Variants in PIK3CA observed in about 807,000 individuals in gnomAD.
The protein encoded by PIK3CA is phosphatidylinositol 4,5-bisphosphate 3-kinase catalytic subunit alpha isoform.
Under a neutral mutation model 138.2 loss-of-function variants are expected in PIK3CA, and 27 were observed. That is an observed-to-expected ratio of 0.20 (90% CI 0.14 to 0.27). The LOEUF is 0.27. Among genes scored for constraint, PIK3CA ranks in the 10% least tolerant of loss-of-function variants. The probability of loss-of-function intolerance (pLI) is 1.00; values close to 1 mark genes in which losing one functional copy is unlikely to be tolerated. For synonymous variants in PIK3CA, 358 were observed against 413.2 expected (o/e 0.87, Z 1.62); for missense variants, 544 against 1,277.4 (o/e 0.43, Z 8.75).
In PIK3CA at chr3:179,203,806, A is replaced by C; in HGVS notation, c.1059+17A>C. Reference sequence around the variant, plus strand: ...ATTGATAAGGTAAAGTCAAATGCTGATGCTTATTATTTTATAGAAATTATT... The same window carrying C: ...ATTGATAAGGTAAAGTCAAATGCTGCTGCTTATTATTTTATAGAAATTATT... On this transcript the variant is annotated intron_variant, in intron 5 of 20. Coordinates refer to ENST00000263967, the MANE Select transcript of PIK3CA (RefSeq NM_006218.4). 1 of 1,553,624 alleles carries C rather than the reference A, an allele frequency of 6.4e-7. No individual in the cohort carries two copies. The highest frequency in any genetic ancestry group is 8.7e-7 in the Non-Finnish European group (1 of 1,146,938).
At position 179,219,389 on chromosome 3, in the gene PIK3CA, T is replaced by G; in HGVS notation, c.1746+112T>G. ...TAAATGAAATAGACTAATAGTAATATAGTGTAGAAAAAAACACCCTTAACA... is the reference window on the plus strand; with the variant it reads ...TAAATGAAATAGACTAATAGTAATAGAGTGTAGAAAAAAACACCCTTAACA... On this transcript the variant is annotated intron_variant, in intron 11 of 20. Transcript: ENST00000263967. This position sits in a 1 kb window ranked among gnomAD's most constrained non-coding sequence, Gnocchi z 4.2. 1.3e-6 allele frequency: 1 copy of G among 753,618 alleles called. No homozygotes were observed. Among genetic ancestry groups the G allele is most frequent in the East Asian group, 2.7e-5 (1 of 37,354 alleles). The allele number at this position is 753,618 out of a possible 1,614,324, so 46.7% of individuals were successfully genotyped here.
chr3:179,157,841 G>A (rs1723178282), intron 1 of PIK3CA, among the ~76,000 whole-genome samples: 1 of 151,970 alleles, frequency 6.6e-6, no homozygotes, highest in African/African-American at 2.4e-5. Flanking sequence ...TGTAACTTTG[G>A]GAAAGTTATT....
chr3:179,231,976 T>A (rs1373464571), intron 20 of PIK3CA, among the ~76,000 whole-genome samples: 1 of 152,046 alleles, frequency 6.6e-6, no homozygotes, highest in African/African-American at 2.4e-5. Context: ...CTTTGTTTCT[T>A]GCTGATTTGA....
At chr3:179,163,394 C>T (rs1238732650) in intron 1 of PIK3CA, among the ~76,000 whole-genome samples, 1 of 151,972 alleles carries the variant, frequency 6.6e-6, no homozygotes. Flanking sequence ...GCAATGTGCC[C>T]CCTCTAGTCC....
At chr3:179,229,795 G>A (rs1002195314) in intron 18 of PIK3CA, among the ~76,000 whole-genome samples, 4 of 152,022 alleles carry the variant, frequency 2.6e-5, no homozygotes, top group African/African-American at 9.7e-5. Flanking sequence ...TTCACATGAA[G>A]AATTATGCTT....
chr3:179,190,404 G>T (rs146326609), intron 1 of PIK3CA, among the ~76,000 whole-genome samples: 163 of 145,412 alleles, frequency 1.1e-3, no homozygotes, highest in Middle Eastern at 7.1e-3. Flanking sequence ...TAATGAGTAT[G>T]TTGAGGTACA....
intron 1 of PIK3CA, among the ~76,000 whole-genome samples, chr3:179,152,738 T>A (rs976872123): frequency 1.4e-4 from 21 of 152,150 alleles, no homozygotes; most frequent in African/African-American, 5.1e-4. Flanking sequence ...TTTTCCACTT[T>A]GCTGACTGTT....
Position 179,219,136 on chromosome 3 carries a change from A to T in PIK3CA, c.1665-60A>T. 1.0e-6 allele frequency: 1 copy of T among 986,516 alleles called. No homozygotes were observed. The highest frequency in any genetic ancestry group is 1.6e-6 in the Non-Finnish European group (1 of 625,054). The allele number at this position is 986,516 out of a possible 1,614,324, so 61.1% of individuals were successfully genotyped here. ...GAAGATTCATATGGAGAAGTTAGAC[A>T]TGTCAACCTTTTGAACAGCATGCAA... On this transcript the variant is annotated intron_variant, in intron 10 of 20. Transcript: ENST00000263967. The surrounding 1 kb of genome is among the most constrained non-coding windows in gnomAD (Gnocchi z 4.2).
In PIK3CA at chr3:179,182,365, G is replaced by T. The variant is rs569551072; in HGVS notation, c.-76-16385G>T. On this transcript the variant is annotated intron_variant, in intron 1 of 20. Transcript: ENST00000263967. ...TTAACTAATGTCATACAGAGCATCAGTGAATAAGAGTGGCAGTATTGGCTG... is the reference window on the plus strand; with the variant it reads ...TTAACTAATGTCATACAGAGCATCATTGAATAAGAGTGGCAGTATTGGCTG... 8.5e-5 allele frequency among the ~76,000 whole-genome samples: 13 copies of T among 152,282 alleles called. No individual in the cohort carries two copies. In the East Asian group the frequency reaches 2.3e-3, roughly 27 times the overall value.
chr3:179,236,748 G>A lies in PIK3CA; in HGVS notation c.*2384G>A, dbSNP rs1725340343. 4.5e-6 allele frequency: 1 copy of A among 220,678 alleles called. No homozygotes were observed. The highest frequency in any genetic ancestry group is 6.7e-5 in the East Asian group (1 of 14,912). 13.7% of individuals were successfully genotyped at this position (220,678 alleles called of 1,614,324 possible). On this transcript the variant is annotated 3_prime_UTR_variant, in exon 21 of 21. Transcript: ENST00000263967. ...TACTACAACCAAATTAATTCTATTA[G>A]AAGAAATGTAGACAAATTCTATAAA...
chr3:179,232,450 G>C (rs1239024538), intron 20 of PIK3CA, among the ~76,000 whole-genome samples: 2 of 152,052 alleles, frequency 1.3e-5, no homozygotes, highest in Non-Finnish European at 2.9e-5. Flanking sequence ...TCTCCATTCT[G>C]TTCCATTGGT....
Position 179,219,152 on chromosome 3 carries a change from C to T in PIK3CA, c.1665-44C>T. On this transcript the variant is annotated intron_variant, in intron 10 of 20. Transcript: ENST00000263967. This position sits in a 1 kb window ranked among gnomAD's most constrained non-coding sequence, Gnocchi z 4.2. Reference sequence around the variant, plus strand: ...AAGTTAGACATGTCAACCTTTTGAACAGCATGCAAGAATGTTTATGTTTAT... The same window carrying T: ...AAGTTAGACATGTCAACCTTTTGAATAGCATGCAAGAATGTTTATGTTTAT... 1 of 1,187,806 alleles carries T rather than the reference C, an allele frequency of 8.4e-7. No individual in the cohort carries two copies. Among genetic ancestry groups the T allele is most frequent in the Non-Finnish European group, 1.3e-6 (1 of 799,574 alleles). 73.6% of individuals were successfully genotyped at this position (1,187,806 alleles called of 1,614,324 possible).
intron 14 of PIK3CA, among the ~76,000 whole-genome samples, chr3:179,221,934 C>G (rs1724978078): frequency 6.6e-6 from 1 of 151,778 alleles, no homozygotes; most frequent in South Asian, 2.1e-4. Flanking sequence ...TCTCCAATTC[C>G]TGGGCTCAAG....
chr3:179,219,868 A>T lies in PIK3CA; in HGVS notation c.1912-81A>T. Reference sequence around the variant, plus strand: ...AAAAAAAAAAATTATTACCAGTAATATCCACTTTCTTTCTGAAAAAATTTT... The same window carrying T: ...AAAAAAAAAAATTATTACCAGTAATTTCCACTTTCTTTCTGAAAAAATTTT... On this transcript the variant is annotated intron_variant, in intron 12 of 20. Coordinates refer to ENST00000263967, the MANE Select transcript of PIK3CA (RefSeq NM_006218.4). The surrounding 1 kb of genome is among the most constrained non-coding windows in gnomAD (Gnocchi z 4.2). The T allele has an allele frequency of 6.4e-7, 1 of 1,564,386 alleles. No homozygotes were observed.
intron 14 of PIK3CA, among the ~76,000 whole-genome samples, chr3:179,221,608 T>C (rs1287168032): frequency 6.6e-6 from 1 of 151,718 alleles, no homozygotes; most frequent in Non-Finnish European, 1.5e-5. Context: ...AAGTTTAAAA[T>C]GGATTTCGAG....
rs1723024341 is a variant in PIK3CA at position 179,151,968 on chromosome 3, G to C, written c.-77+3365G>C. Among the ~76,000 whole-genome samples, 6 of 152,154 alleles carry C rather than the reference G, an allele frequency of 3.9e-5. No individual in the cohort carries two copies. The South Asian group carries it at 1.2e-3, about 32-fold the overall frequency. ...CTCTACCAGGCTGTAAATTCCATGA[G>C]GATAGGGACTCCTATCTTATATACT... is the stretch of plus-strand genomic sequence containing the variant. On this transcript the variant is annotated intron_variant, in intron 1 of 20. Coordinates refer to ENST00000263967, the MANE Select transcript of PIK3CA (RefSeq NM_006218.4).
chr3:179,166,015 T>C (rs1330498012), intron 1 of PIK3CA, among the ~76,000 whole-genome samples: 1 of 152,212 alleles, frequency 6.6e-6, no homozygotes, highest in Non-Finnish European at 1.5e-5. Context: ...TTTCATACCT[T>C]CCTCACTAGA....
At chr3:179,223,303 C>T (rs929187339) in intron 14 of PIK3CA, among the ~76,000 whole-genome samples, 81 of 152,252 alleles carry the variant, frequency 5.3e-4, no homozygotes, top group African/African-American at 1.9e-3. Context: ...TTTTCCCCCA[C>T]TCACATTTTA....
At chr3:179,227,940 G>A (rs2108421198) in intron 17 of PIK3CA, among the ~76,000 whole-genome samples, 1 of 152,102 alleles carries the variant, frequency 6.6e-6, no homozygotes, top group Middle Eastern at 3.4e-3. Context: ...AACATTTGTG[G>A]GATTATTTGA....
Sources: allele counts gnomAD v4.1 joint callset (sites outside exome capture counted in the v4.1 genomes callset), GRCh38; gene constraint gnomAD v4.1.1; non-coding constraint Gnocchi (gnomAD v3.1); transcripts MANE v1.5; gene names NCBI Gene and HGNC (gene_info 2026-07-23, HGNC 2026-07-21).